The following CAPRIN2 variants were observed in gnomAD, a reference collection of about 807,000 sequenced individuals.
The protein encoded by CAPRIN2 is caprin family member 2.
CAPRIN2 carries 66 observed loss-of-function variants against 130.4 expected under a neutral mutation model. The observed-to-expected ratio is 0.51, with a 90% CI of 0.42 to 0.62. The LOEUF (loss-of-function observed/expected upper bound fraction) is 0.62. CAPRIN2 is among the 20% of genes least tolerant of loss of function. The pLI, the probability that CAPRIN2 is intolerant of heterozygous loss-of-function variation, is 0.00. For synonymous variants in CAPRIN2, 471 were observed against 444.1 expected (o/e 1.06, Z -0.76); for missense variants, 1,185 against 1,246.6 (o/e 0.95, Z 0.74).
chr12:30,751,476 C>A, intron 1 of CAPRIN2: 2 of 220,846 alleles, frequency 9.1e-6, no homozygotes, highest in East Asian at 1.0e-4. Context: ...ACAATTTTGT[C>A]CCCCAAAGAT....
In CAPRIN2 at chr12:30,710,582, C is replaced by T; in HGVS notation, c.2666-112G>A. ...CAAAGATACATTTTATAGTAAATTC[C>T]AAAACAAAAGCAATATATAGCTAGA... On this transcript the variant is annotated intron_variant, in intron 16 of 16. Transcript: ENST00000298892. The surrounding 1 kb of genome is among the most constrained non-coding windows in gnomAD (Gnocchi z 4.8). 4 of 1,504,826 alleles carry T rather than the reference C, an allele frequency of 2.7e-6. No individual in the cohort carries two copies. The highest frequency in any genetic ancestry group is 3.6e-6 in the Non-Finnish European group (4 of 1,125,704). The allele number at this position is 1,504,826 out of a possible 1,614,324, so 93.2% of individuals were successfully genotyped here.
intron 11 of CAPRIN2, among the ~76,000 whole-genome samples, chr12:30,722,047 T>C (rs2059575622): frequency 6.6e-6 from 1 of 152,186 alleles, no homozygotes; most frequent in Non-Finnish European, 1.5e-5. Flanking sequence ...ACTAACTCTG[T>C]TGCTAAGGGA....
In CAPRIN2 at chr12:30,728,829, C is replaced by T. The variant is rs777512125; in HGVS notation, c.1601G>A (p.Cys534Tyr). The change falls in exon 8 of 17, where the codon TGT (cysteine) becomes TAT (tyrosine). Residue 534 changes from cysteine to tyrosine, a missense_variant. Around this residue, in one of 2 missense-constraint regions of CAPRIN2, gnomAD observed 1,104 missense variants for 1,104.3 expected, o/e 1.00. Coordinates refer to ENST00000298892, the Ensembl canonical transcript of CAPRIN2. ...TGGCTGTTTTGAATCCTGTTCTTCA[C>T]ACATGGGAGTGGTCCATGACTTGGT... The T allele has an allele frequency of 2.5e-6, 4 of 1,614,066 alleles. No homozygotes were observed. Among genetic ancestry groups the T allele is most frequent in the South Asian group, 1.1e-5 (1 of 91,080 alleles).
At chr12:30,732,161 TCCTACCA>T (rs2062928859) in intron 5 of CAPRIN2, among the ~76,000 whole-genome samples, 1 of 152,074 alleles carries the variant, frequency 6.6e-6, no homozygotes. Flanking sequence ...TGTTTGTCCT[TCCTACCA>T]CCTGACCATT....
intron 3 of CAPRIN2, among the ~76,000 whole-genome samples, chr12:30,737,545 T>C (rs2065416478): frequency 6.6e-6 from 1 of 151,982 alleles, no homozygotes; most frequent in Non-Finnish European, 1.5e-5. Flanking sequence ...TGAGGACCAG[T>C]TTGGAAAGGA....
chr12:30,721,048 T>C, intron 11 of CAPRIN2, 133 bp from the exon 13 acceptor site: 1 of 628,204 alleles, frequency 1.6e-6, no homozygotes. Context: ...AAACACTTTA[T>C]ACGTGTTAAT....
chr12:30,750,962 A>G lies in CAPRIN2; in HGVS notation c.483+109T>C, dbSNP rs1484363511. On this transcript the variant is annotated intron_variant, in intron 2 of 16. Transcript: ENST00000298892. Reference sequence around the variant, plus strand: ...TGAAACAGTTTTGAACAAACTATGGATTTTAACTGTGTGTGTGTGTGCTAT... The same window carrying G: ...TGAAACAGTTTTGAACAAACTATGGGTTTTAACTGTGTGTGTGTGTGCTAT... The G allele has an allele frequency of 8.6e-6, 7 of 814,922 alleles. No homozygotes were observed. In the Admixed American group the frequency reaches 1.4e-4, roughly 17 times the overall value. The allele number at this position is 814,922 out of a possible 1,614,324, so 50.5% of individuals were successfully genotyped here.
At chr12:30,752,059 C>A (rs1211088148) in intron 1 of CAPRIN2, among the ~76,000 whole-genome samples, 2 of 151,786 alleles carry the variant, frequency 1.3e-5, no homozygotes, top group African/African-American at 2.4e-5. Context: ...GGTGGGATTA[C>A]AGGCACCCCC....
At chr12:30,725,985 C>A in exon 9 of CAPRIN2, 1 of 1,594,142 alleles carries the variant, frequency 6.3e-7, no homozygotes, top group South Asian at 1.1e-5. Flanking sequence ...GTTACAAGTT[C>A]CTTGAATCTG....
chr12:30,719,290 A>AAACCCAAACTGGC, intron 12 of CAPRIN2, 65 bp from the exon 14 acceptor site: 1 of 1,578,708 alleles, frequency 6.3e-7, no homozygotes, highest in South Asian at 1.1e-5. Flanking sequence ...ACTTACTCTA[A>AAACCCAAACTGGC]AACCCAAACT....
intron 13 of CAPRIN2, 71 bp from the exon 16 acceptor site, chr12:30,715,212 A>G (rs1459214718): frequency 8.1e-6 from 10 of 1,233,500 alleles, no homozygotes; most frequent in Admixed American, 3.8e-5. Context: ...AAGCCAATAT[A>G]TATCAAAATC....
chr12:30,738,470 G>C (rs902964265), intron 3 of CAPRIN2, among the ~76,000 whole-genome samples: 1 of 152,050 alleles, frequency 6.6e-6, no homozygotes, highest in Non-Finnish European at 1.5e-5. Context: ...GATAACCTAG[G>C]AAATACCATT....
At chr12:30,714,587 CTTT>C (rs942863335) in intron 14 of CAPRIN2, among the ~76,000 whole-genome samples, 2 of 148,276 alleles carry the variant, frequency 1.3e-5, no homozygotes, top group African/African-American at 2.5e-5. Context: ...CTATATTCTT[CTTT>C]GTGACATAAT....
chr12:30,731,601 A>G (rs1299072559), intron 5 of CAPRIN2, 91 bp from the exon 7 acceptor site: 1 of 1,022,676 alleles, frequency 9.8e-7, no homozygotes, highest in Non-Finnish European at 1.5e-6. Flanking sequence ...GTTGTAGTAC[A>G]TTGTTACAAT....
intron 8 of CAPRIN2, among the ~76,000 whole-genome samples, chr12:30,727,468 C>G (rs925092467): frequency 6.6e-6 from 1 of 152,110 alleles, no homozygotes; most frequent in African/African-American, 2.4e-5. Context: ...TATCAGAAAG[C>G]CTTTAGCTAA....
At chr12:30,712,790 G>A (rs1335624913) in intron 15 of CAPRIN2, among the ~76,000 whole-genome samples, 1 of 137,686 alleles carries the variant, frequency 7.3e-6, no homozygotes, top group Non-Finnish European at 1.5e-5. Flanking sequence ...TGCCCAGGGT[G>A]GAGTGCAATG....
At chr12:30,743,298 T>G (rs1466600272) in intron 2 of CAPRIN2, among the ~76,000 whole-genome samples, 1 of 152,132 alleles carries the variant, frequency 6.6e-6, no homozygotes, top group East Asian at 1.9e-4. Flanking sequence ...CAAGAAAAAT[T>G]AGTTCTTCTG....
intron 12 of CAPRIN2, among the ~76,000 whole-genome samples, chr12:30,717,919 T>C (rs1339307763): frequency 6.6e-6 from 1 of 152,190 alleles, no homozygotes; most frequent in Non-Finnish European, 1.5e-5. Flanking sequence ...AATGTTAAGT[T>C]TCCTGAGCAT....
exon 1 of CAPRIN2, chr12:30,753,745 G>C (rs1173357960): frequency 1.2e-6 from 2 of 1,609,884 alleles, no homozygotes; most frequent in Non-Finnish European, 1.7e-6. Context: ...AATGATGCTT[G>C]AGATACTTGT....
Sources: gnomAD v4.1 joint callset for allele counts (sites outside exome capture counted in the v4.1 genomes callset) on GRCh38, gnomAD v4.1.1 for gene constraint, gnomAD v4.1.1 regional missense constraint, Gnocchi (gnomAD v3.1) non-coding constraint, MANE v1.5 for transcripts, NCBI Gene and HGNC (gene_info 2026-07-23, HGNC 2026-07-21) for gene names.